ZFYVE9: variants seen among roughly 807,000 people sequenced by gnomAD.
ZFYVE9 encodes zinc finger FYVE-type containing 9.
Under a neutral mutation model 126.7 loss-of-function variants are expected in ZFYVE9, and 43 were observed. The observed-to-expected ratio is 0.34, with a 90% CI of 0.27 to 0.44. The LOEUF is 0.44. ZFYVE9 is among the 20% of genes least tolerant of loss of function. The pLI is 1.00. For synonymous variants in ZFYVE9, 521 were observed against 597.4 expected (o/e 0.87, Z 1.87); for missense variants, 1,476 against 1,697.0 (o/e 0.87, Z 2.29).
intron 2 of ZFYVE9, among the ~76,000 whole-genome samples, chr1:52,224,690 C>T (rs1251394474): frequency 6.6e-6 from 1 of 152,104 alleles, no homozygotes; most frequent in East Asian, 1.9e-4. Flanking sequence ...GTGTTTTGTC[C>T]TTTCATTATC....
chr1:52,333,995 A>G (rs369908140), intron 14 of ZFYVE9, among the ~76,000 whole-genome samples: 2 of 151,820 alleles, frequency 1.3e-5, no homozygotes, highest in East Asian at 3.9e-4. Flanking sequence ...CGGGAGGCTG[A>G]GGCAGGAGAA....
rs559746548 is a variant in ZFYVE9 at position 52,287,822 on chromosome 1, G to A, written c.3026-5631G>A. ...TTTGAGGCCGTAGTGAGCTATGAGTGCACCACTGCATTACAGCTTGAGTGA... is the reference window on the plus strand; with the variant it reads ...TTTGAGGCCGTAGTGAGCTATGAGTACACCACTGCATTACAGCTTGAGTGA... On this transcript the variant is annotated intron_variant, in intron 10 of 18. Coordinates refer to ENST00000287727, the MANE Select transcript of ZFYVE9 (RefSeq NM_004799.4). Among the ~76,000 whole-genome samples, 4 of 152,180 alleles carry A rather than the reference G, an allele frequency of 2.6e-5. No homozygotes were observed. In the South Asian group the frequency reaches 6.2e-4, roughly 24 times the overall value.
intron 14 of ZFYVE9, among the ~76,000 whole-genome samples, chr1:52,334,335 G>A (rs1281027281): frequency 2.0e-5 from 3 of 152,142 alleles, no homozygotes; most frequent in Admixed American, 6.5e-5. Context: ...GAATGGACAT[G>A]GCTGTGTTTC....
intron 1 of ZFYVE9, among the ~76,000 whole-genome samples, chr1:52,171,844 G>A (rs1168021734): frequency 3.3e-5 from 5 of 152,118 alleles, no homozygotes; most frequent in Non-Finnish European, 5.9e-5. Context: ...TTTTGATGGG[G>A]TTGTTTGTTT....
At chr1:52,334,597 C>A in intron 14 of ZFYVE9, 91 bp from the exon 15 acceptor site, 1 of 1,346,136 alleles carries the variant, frequency 7.4e-7, no homozygotes, top group Non-Finnish European at 1.0e-6. Context: ...TGATGATGGT[C>A]GGAATTCTCA....
At chr1:52,203,226 G>T (rs1046467996) in intron 1 of ZFYVE9, among the ~76,000 whole-genome samples, 6 of 151,778 alleles carry the variant, frequency 4.0e-5, no homozygotes, top group Admixed American at 3.3e-4. Context: ...CTTTTGCCCA[G>T]ACTGGAGTGC....
chr1:52,333,048 C>G lies in ZFYVE9; in HGVS notation c.3589+130C>G. On this transcript the variant is annotated intron_variant, in intron 14 of 18. Coordinates refer to ENST00000287727, the MANE Select transcript of ZFYVE9 (RefSeq NM_004799.4). ...CAAACAAATTAATTAACCTTTCCAA[C>G]CATATTCTTCAGGATTATGTTGACT... is the stretch of plus-strand genomic sequence containing the variant. 4.0e-6 allele frequency: 5 copies of G among 1,237,204 alleles called. No homozygotes were observed. The South Asian group carries it at 6.9e-5, about 17-fold the overall frequency. 76.6% of individuals were successfully genotyped at this position (1,237,204 alleles called of 1,614,324 possible). A position where few individuals can be genotyped will look rare whatever the true frequency, so the allele number is the denominator to read the frequency against.
chr1:52,228,183 A>G (rs1422935902), intron 2 of ZFYVE9, among the ~76,000 whole-genome samples: 1 of 152,024 alleles, frequency 6.6e-6, no homozygotes, highest in Non-Finnish European at 1.5e-5. Flanking sequence ...AGCTGAAGCA[A>G]TCTTCCTGCC....
chr1:52,224,591 C>G (rs1364628235), intron 2 of ZFYVE9, among the ~76,000 whole-genome samples: 1 of 152,138 alleles, frequency 6.6e-6, no homozygotes, highest in Non-Finnish European at 1.5e-5. Context: ...TCATTTTACC[C>G]AAACTCTGGC....
At chr1:52,260,455 C>A (rs1363767003) in intron 4 of ZFYVE9, among the ~76,000 whole-genome samples, 1 of 151,926 alleles carries the variant, frequency 6.6e-6, no homozygotes, top group Non-Finnish European at 1.5e-5. Context: ...CATTCTTATT[C>A]TCTTCCTTTT....
chr1:52,310,269 T>G (rs1159238383), intron 13 of ZFYVE9, among the ~76,000 whole-genome samples: 1 of 152,170 alleles, frequency 6.6e-6, no homozygotes, highest in Non-Finnish European at 1.5e-5. Flanking sequence ...CCTCATGTTG[T>G]TACAATGAGA....
intron 4 of ZFYVE9, among the ~76,000 whole-genome samples, chr1:52,250,684 T>C (rs1645435368): frequency 6.6e-6 from 1 of 152,108 alleles, no homozygotes. Context: ...CCTTGTCTTG[T>C]TTCTATCTTA....
At chr1:52,175,231 C>T (rs898971058) in intron 1 of ZFYVE9, among the ~76,000 whole-genome samples, 3 of 150,588 alleles carry the variant, frequency 2.0e-5, no homozygotes, top group African/African-American at 4.9e-5. Context: ...ATTTGCTTGT[C>T]TGTAAAGTAT....
intron 1 of ZFYVE9, among the ~76,000 whole-genome samples, chr1:52,182,275 C>T (rs999611468): frequency 6.6e-6 from 1 of 152,208 alleles, no homozygotes; most frequent in African/African-American, 2.4e-5. Context: ...GAGAAGGGGC[C>T]ATGATGACAG....
chr1:52,234,611 T>C (rs547395247), intron 3 of ZFYVE9, among the ~76,000 whole-genome samples: 3 of 152,310 alleles, frequency 2.0e-5, no homozygotes, highest in African/African-American at 7.2e-5. Context: ...TTAAATTGAA[T>C]ATGGAATCAT....
intron 1 of ZFYVE9, among the ~76,000 whole-genome samples, chr1:52,159,994 C>CTT (rs371581571): frequency 6.9e-6 from 1 of 144,988 alleles, no homozygotes; most frequent in African/African-American, 2.5e-5. Context: ...GTCGGGGTTT[C>CTT]TTTTTTTTTT....
chr1:52,340,186 T>C lies in ZFYVE9; in HGVS notation c.3894T>C (p.His1298=). The C allele has an allele frequency of 4.3e-6, 7 of 1,613,898 alleles. No homozygotes were observed. The highest frequency in any genetic ancestry group is 5.9e-6 in the Non-Finnish European group (7 of 1,179,782). The change falls in exon 17 of 19, where the codon CAT becomes CAC. Residue 1298 remains histidine, a synonymous_variant. Transcript: ENST00000287727. ...CTATAACAAATGTGAAGATATTCCA[T>C]GGATCAGAATATAAAGCAAATGGAA... ...METITNVKIF[H]GSEYKANGKV...
chr1:52,345,043 G>A, intron 18 of ZFYVE9, 99 bp downstream of exon 18: 1 of 1,347,846 alleles, frequency 7.4e-7, no homozygotes, highest in Non-Finnish European at 1.0e-6. Flanking sequence ...TTAATTCTCC[G>A]ACCTTCTGGC....
intron 7 of ZFYVE9, among the ~76,000 whole-genome samples, chr1:52,273,574 T>C (rs947617668): frequency 7.2e-5 from 11 of 152,096 alleles, no homozygotes; most frequent in Non-Finnish European, 1.5e-5. Flanking sequence ...CTCACACCTG[T>C]AATCCTAGCA....
Sources: allele counts gnomAD v4.1 joint callset (sites outside exome capture counted in the v4.1 genomes callset), GRCh38; gene constraint gnomAD v4.1.1; transcripts MANE v1.5; gene names NCBI Gene and HGNC (gene_info 2026-07-23, HGNC 2026-07-21).